LRMDA: variants seen among roughly 807,000 people sequenced by gnomAD.
The protein encoded by LRMDA is leucine rich melanocyte differentiation associated.
LRMDA carries 18 observed loss-of-function variants against 29.8 expected under a neutral mutation model. The ratio of observed to expected loss-of-function variants is 0.60; its 90% CI spans 0.42 to 0.90. LRMDA has a LOEUF of 0.90. Among genes scored for constraint, LRMDA ranks in the 40% least tolerant of loss-of-function variants. The probability of loss-of-function intolerance (pLI) is 0.00; values close to 1 mark genes in which losing one functional copy is unlikely to be tolerated. For missense variants in LRMDA, 273 were observed against 273.9 expected (o/e 1.00, Z 0.02); for synonymous variants, 125 against 109.4 (o/e 1.14, Z -0.89).
chr10:76,311,042 C>A (rs1003863934), intron 5 of LRMDA, among the ~76,000 whole-genome samples: 1 of 151,830 alleles, frequency 6.6e-6, no homozygotes. Flanking sequence ...TTTTTTCAAC[C>A]CCTGGTACCT....
chr10:75,815,451 G>T (rs1320571376), intron 2 of LRMDA, among the ~76,000 whole-genome samples: 2 of 152,146 alleles, frequency 1.3e-5, no homozygotes, highest in Non-Finnish European at 2.9e-5. Flanking sequence ...GGAGAATTAT[G>T]CTTTCCTTTC....
chr10:75,784,701 C>T (rs1316647964), intron 2 of LRMDA, among the ~76,000 whole-genome samples: 1 of 132,074 alleles, frequency 7.6e-6, no homozygotes, highest in African/African-American at 2.9e-5. Flanking sequence ...GACTCCATCT[C>T]AGAAAAAAAA....
intron 2 of LRMDA, among the ~76,000 whole-genome samples, chr10:75,491,745 C>G (rs1844990441): frequency 6.6e-6 from 1 of 152,146 alleles, no homozygotes; most frequent in South Asian, 2.1e-4. Context: ...TTGGTCTTGA[C>G]TGGTTTGAGA....
chr10:75,820,205 T>A (rs1844133144), intron 2 of LRMDA, among the ~76,000 whole-genome samples: 2 of 152,212 alleles, frequency 1.3e-5, no homozygotes, highest in South Asian at 4.1e-4. Context: ...AGAATCTACA[T>A]TCTTTTCATC....
At chr10:75,704,972 T>G (rs923069239) in intron 2 of LRMDA, among the ~76,000 whole-genome samples, 3 of 152,070 alleles carry the variant, frequency 2.0e-5, no homozygotes, top group Non-Finnish European at 4.4e-5. Flanking sequence ...AACTAAACAG[T>G]GTGAATATGA....
chr10:75,847,007 C>G (rs1341897223), intron 2 of LRMDA, among the ~76,000 whole-genome samples: 2 of 152,092 alleles, frequency 1.3e-5, no homozygotes, highest in Admixed American at 6.5e-5. Context: ...AAAAGCTATT[C>G]TAAAGTTCAT....
intron 5 of LRMDA, among the ~76,000 whole-genome samples, chr10:76,216,089 C>T (rs1484000208): frequency 6.6e-6 from 1 of 152,186 alleles, no homozygotes; most frequent in Admixed American, 6.5e-5. Context: ...TGTGGTGGCT[C>T]ATGCCTTTTA....
At chr10:75,768,736 C>G (rs1843201120) in intron 2 of LRMDA, among the ~76,000 whole-genome samples, 2 of 152,080 alleles carry the variant, frequency 1.3e-5, no homozygotes, top group Admixed American at 1.3e-4. Context: ...CCAGGTGGCT[C>G]TTTGTGGTTC....
intron 2 of LRMDA, among the ~76,000 whole-genome samples, chr10:75,801,666 G>C (rs905887432): frequency 2.0e-5 from 3 of 152,236 alleles, no homozygotes; most frequent in Non-Finnish European, 1.5e-5. Flanking sequence ...TGGGGTGGAA[G>C]CTGGAGGCCC....
intron 2 of LRMDA, among the ~76,000 whole-genome samples, chr10:75,627,514 C>T (rs1410748254): frequency 6.6e-6 from 1 of 152,130 alleles, no homozygotes; most frequent in Non-Finnish European, 1.5e-5. Context: ...AAGGTTTGGG[C>T]CACAGATGGG....
chr10:76,249,769 A>G (rs1852440086), intron 5 of LRMDA, among the ~76,000 whole-genome samples: 1 of 152,182 alleles, frequency 6.6e-6, no homozygotes, highest in Non-Finnish European at 1.5e-5. Flanking sequence ...TTATTTGCCT[A>G]GTTAACTTAC....
At chr10:76,233,777 G>A (rs931561361) in intron 5 of LRMDA, among the ~76,000 whole-genome samples, 2 of 152,120 alleles carry the variant, frequency 1.3e-5, no homozygotes, top group Admixed American at 6.5e-5. Context: ...ATCTTTAAAA[G>A]CTTTATCATG....
intron 6 of LRMDA, among the ~76,000 whole-genome samples, chr10:76,435,159 A>G (rs926343113): frequency 6.6e-6 from 1 of 152,230 alleles, no homozygotes; most frequent in African/African-American, 2.4e-5. Context: ...ATCATTGAAT[A>G]TATCACTTGC....
chr10:75,925,793 C>T (rs566623348), intron 2 of LRMDA, among the ~76,000 whole-genome samples: 5 of 151,946 alleles, frequency 3.3e-5, no homozygotes, highest in East Asian at 1.9e-4. Context: ...GCTGGGATTA[C>T]GGGTGCCTGC....
chr10:75,747,197 T>A (rs1271338538), intron 2 of LRMDA, among the ~76,000 whole-genome samples: 1 of 152,214 alleles, frequency 6.6e-6, no homozygotes, highest in Non-Finnish European at 1.5e-5. Flanking sequence ...ATTTTTCGTA[T>A]CTTTTATTAG....
At chr10:75,576,642 G>T (rs115272397) in intron 2 of LRMDA, among the ~76,000 whole-genome samples, 2,114 of 152,260 alleles carry the variant, frequency 0.014, 40 homozygotes, top group African/African-American at 0.045. Context: ...CATCTGGCAG[G>T]TGCTCAGTAA....
chr10:75,479,682 T>A (rs1030654688), intron 2 of LRMDA, among the ~76,000 whole-genome samples: 4 of 151,992 alleles, frequency 2.6e-5, no homozygotes, highest in African/African-American at 9.7e-5. Flanking sequence ...AGGCAGCATC[T>A]CTGTCCTCAT....
chr10:76,031,170 A>G (rs185530359), intron 2 of LRMDA, among the ~76,000 whole-genome samples: 164 of 152,312 alleles, frequency 1.1e-3, no homozygotes, highest in Non-Finnish European at 9.4e-4. Flanking sequence ...CTGGATTATG[A>G]AGAGGTCTGG....
At chr10:76,214,639 C>T (rs550293227) in intron 5 of LRMDA, among the ~76,000 whole-genome samples, 14 of 152,228 alleles carry the variant, frequency 9.2e-5, no homozygotes, top group East Asian at 3.9e-4. Context: ...CCACCGCGCC[C>T]GGCCGCAACA....
Sources: allele counts gnomAD v4.1 joint callset (sites outside exome capture counted in the v4.1 genomes callset), GRCh38; gene constraint gnomAD v4.1.1; transcripts MANE v1.5; gene names NCBI Gene and HGNC (gene_info 2026-07-23, HGNC 2026-07-21).